Variants in NCOR1 observed in about 807,000 individuals in gnomAD.
NCOR1 encodes protein phosphatase 1, regulatory subunit 109.
Under a neutral mutation model 288.1 loss-of-function variants are expected in NCOR1, and 63 were observed. The observed-to-expected ratio is 0.22, with a 90% CI of 0.18 to 0.27. The LOEUF (loss-of-function observed/expected upper bound fraction) is 0.27. NCOR1 is among the 10% of genes least tolerant of loss of function. The pLI is 1.00. For synonymous variants in NCOR1, 1,007 were observed against 1,065.9 expected (o/e 0.94, Z 1.08); for missense variants, 2,397 against 3,019.2 (o/e 0.79, Z 4.83).
rs1381712642 is a variant in NCOR1 at position 16,072,134 on chromosome 17, AG to A, written c.3895+10del. 30 of 1,585,668 alleles carry A rather than the reference AG, an allele frequency of 1.9e-5. No homozygotes were observed. The highest frequency in any genetic ancestry group is 2.3e-5 in the Non-Finnish European group (27 of 1,164,254). On this transcript the variant is annotated intron_variant, in intron 29 of 45. Coordinates refer to ENST00000268712, the MANE Select transcript of NCOR1 (RefSeq NM_006311.4). ...TTATAAATAAAAATGCAAAACAAGC[AG>A]AAAGTTTACCCTGCATTATGGAGCC...
chr17:16,206,358 G>A (rs1600566529), intron 1 of NCOR1, among the ~76,000 whole-genome samples: 1 of 151,344 alleles, frequency 6.6e-6, no homozygotes, highest in African/African-American at 2.4e-5. Flanking sequence ...AAAATCTAGT[G>A]ACCGTAAGTT....
chr17:16,058,211 A>G (rs1350670537), intron 38 of NCOR1, 147 bp from the exon 39 acceptor site: 5 of 1,012,376 alleles, frequency 4.9e-6, no homozygotes, highest in Non-Finnish European at 6.9e-6. Context: ...GGAGAAAAAA[A>G]AAATTATTCA....
intron 1 of NCOR1, among the ~76,000 whole-genome samples, chr17:16,206,703 G>A (rs118038725): frequency 0.036 from 5,430 of 152,144 alleles, 137 homozygotes; most frequent in Non-Finnish European, 0.053. Context: ...GTATCTTCAT[G>A]TACTAGAAAT....
intron 14 of NCOR1, 29 bp downstream of exon 14, chr17:16,137,282 A>T: frequency 6.8e-7 from 1 of 1,461,116 alleles, no homozygotes; most frequent in Non-Finnish European, 9.5e-7. Flanking sequence ...CAATCCTGAA[A>T]TATCTTCCAT....
At chr17:16,069,727 A>G (rs1813476448) in intron 31 of NCOR1, among the ~76,000 whole-genome samples, 1 of 152,244 alleles carries the variant, frequency 6.6e-6, no homozygotes, top group African/African-American at 2.4e-5. Flanking sequence ...ATGATTTTAC[A>G]GATCAGGAAA....
chr17:16,039,379 A>C, intron 44 of NCOR1, 54 bp downstream of exon 44: 1 of 1,549,760 alleles, frequency 6.5e-7, no homozygotes, highest in Non-Finnish European at 8.8e-7. Flanking sequence ...TTTGGGAAAT[A>C]AACTGGCTTT....
Position 16,067,051 on chromosome 17 carries a change from G to A in NCOR1, c.4741+843C>T, listed in dbSNP as rs115794850. Among the ~76,000 whole-genome samples, 481 of 152,342 alleles carry A rather than the reference G, an allele frequency of 3.2e-3. 2 individuals are homozygous for A. The highest frequency in any genetic ancestry group is 0.011 in the African/African-American group (457 of 41,580). ...CAAGGACTGCACCCTGGGAGGACAA[G>A]GTGCAGCCGGTGGTCCTGCAGATTA... On this transcript the variant is annotated intron_variant, in intron 32 of 45. Transcript: ENST00000268712.
At chr17:16,056,431 T>A (rs906835264) in intron 40 of NCOR1, among the ~76,000 whole-genome samples, 1 of 150,914 alleles carries the variant, frequency 6.6e-6, no homozygotes, top group African/African-American at 2.4e-5. Context: ...TCTGCCTCAG[T>A]GTCCTGAGTA....
chr17:16,095,651 T>G (rs1484049881), intron 21 of NCOR1, among the ~76,000 whole-genome samples: 40 of 26,676 alleles, frequency 1.5e-3, no homozygotes, highest in Non-Finnish European at 2.4e-3. Flanking sequence ...AGCCGCCCCG[T>G]CCGGGAGGGA....
chr17:16,110,591 G>A (rs1488351543), intron 18 of NCOR1, among the ~76,000 whole-genome samples: 1 of 152,124 alleles, frequency 6.6e-6, no homozygotes, highest in Non-Finnish European at 1.5e-5. Context: ...CAGACCCAGG[G>A]TTCTGGAAGT....
At position 16,061,591 on chromosome 17, in the gene NCOR1, T is replaced by G. The variant is rs780371996; in HGVS notation, c.5691A>C (p.Ser1897=). 5.6e-6 allele frequency: 9 copies of G among 1,614,214 alleles called. No homozygotes were observed. The East Asian group carries it at 1.8e-4, about 32-fold the overall frequency. ...CTTTCCCAGCCTCAGAATAAACTAC[T>G]GAAGAATGAGGCTGGGGCTTGCCAC... ...FPSGKPQPHS[S]VVYSEAGKDK... Residue 1897 remains serine, a synonymous_variant, in exon 37 of 46, where the codon TCA becomes TCC. Coordinates refer to ENST00000268712, the MANE Select transcript of NCOR1 (RefSeq NM_006311.4).
chr17:16,070,754 G>C (rs992185694), intron 30 of NCOR1, among the ~76,000 whole-genome samples: 4 of 152,202 alleles, frequency 2.6e-5, no homozygotes, highest in Admixed American at 6.5e-5. Context: ...ACAAGGCCAG[G>C]CATGGTGGTT....
chr17:16,189,253 G>A (rs532232301), intron 2 of NCOR1, among the ~76,000 whole-genome samples: 1 of 152,124 alleles, frequency 6.6e-6, no homozygotes, highest in African/African-American at 2.4e-5. Flanking sequence ...AATTAGCCAG[G>A]CGTGGTGGCA....
chr17:16,036,578 T>G (rs1438191468), intron 44 of NCOR1, among the ~76,000 whole-genome samples: 1 of 152,244 alleles, frequency 6.6e-6, no homozygotes, highest in Non-Finnish European at 1.5e-5. Flanking sequence ...AGCTAGGTCT[T>G]CTGAGTAACT....
chr17:16,068,948 C>T (rs1598152220), intron 31 of NCOR1, among the ~76,000 whole-genome samples: 2 of 152,040 alleles, frequency 1.3e-5, no homozygotes, highest in African/African-American at 4.8e-5. Context: ...ATCTCCTGAC[C>T]TCATGATCCG....
At chr17:16,088,286 A>G (rs1169530175) in intron 22 of NCOR1, among the ~76,000 whole-genome samples, 2 of 152,150 alleles carry the variant, frequency 1.3e-5, no homozygotes, top group African/African-American at 4.8e-5. Context: ...TAGTTGAGAA[A>G]TCTTGTTTTT....
At chr17:16,162,397 A>G (rs756053943) in intron 5 of NCOR1, among the ~76,000 whole-genome samples, 26 of 151,958 alleles carry the variant, frequency 1.7e-4, no homozygotes, top group Non-Finnish European at 2.9e-4. Context: ...AATGGCTTGG[A>G]ATTTTCCCAA....
intron 14 of NCOR1, among the ~76,000 whole-genome samples, chr17:16,127,379 A>ATGTATATATACATGTATGTATATG: frequency 2.9e-5 from 1 of 34,832 alleles, no homozygotes; most frequent in East Asian, 3.3e-4. Context: ...GTATGTATAT[A>ATGTATATATACATGTATGTATATG]TGTATGTATA....
chr17:16,101,752 C>A lies in NCOR1; in HGVS notation c.2188G>T (p.Ala730Ser), dbSNP rs753273659. The A allele has an allele frequency of 6.2e-7, 1 of 1,614,142 alleles. No homozygotes were observed. Among genetic ancestry groups the A allele is most frequent in the East Asian group, 2.2e-5 (1 of 44,884 alleles). The change falls in exon 20 of 46, where the codon GCT (alanine) becomes TCT (serine). Residue 730 changes from alanine (A) to serine (S), a missense_variant. By Grantham distance (99) the Ala-to-Ser change is moderately conservative. This residue lies in a region of NCOR1 where 1,872 missense variants were observed against 2,187.8 expected (regional missense o/e 0.86). Coordinates refer to ENST00000268712, the MANE Select transcript of NCOR1 (RefSeq NM_006311.4). Reference protein sequence around the residue: ...EENPEDSEVEAVKPSEDSPEN... With the variant: ...EENPEDSEVESVKPSEDSPEN... ...GGACTGTCCTCGCTGGGCTTGACAG[C>A]TTCAACTGGTGAAGGAGAAGGAGCA...
Sources: allele counts gnomAD v4.1 joint callset (sites outside exome capture counted in the v4.1 genomes callset), GRCh38; gene constraint gnomAD v4.1.1; regional missense constraint gnomAD v4.1.1; transcripts MANE v1.5; gene names NCBI Gene and HGNC (gene_info 2026-07-23, HGNC 2026-07-21).